ESRRG: variants seen among roughly 807,000 people sequenced by gnomAD.
ESRRG encodes the protein estrogen-related receptor gamma.
Under a neutral mutation model 44.0 loss-of-function variants are expected in ESRRG, and 13 were observed. The observed-to-expected ratio is 0.30, with a 90% CI of 0.19 to 0.47. ESRRG has a LOEUF of 0.47. Among genes scored for constraint, ESRRG ranks in the 20% least tolerant of loss-of-function variants. The probability of loss-of-function intolerance (pLI) is 1.00; values close to 1 mark genes in which losing one functional copy is unlikely to be tolerated. For synonymous variants in ESRRG, 215 were observed against 214.6 expected (o/e 1.00, Z -0.02); for missense variants, 395 against 580.6 (o/e 0.68, Z 3.29).
At chr1:216,557,796 A>G (rs1191059233) in intron 5 of ESRRG, among the ~76,000 whole-genome samples, 1 of 152,204 alleles carries the variant, frequency 6.6e-6, no homozygotes, top group Non-Finnish European at 1.5e-5. Context: ...TTCAGGGTAG[A>G]TGTCATGTCA....
chr1:216,603,477 A>C (rs2059510694), intron 3 of ESRRG, among the ~76,000 whole-genome samples: 1 of 152,248 alleles, frequency 6.6e-6, no homozygotes, highest in Non-Finnish European at 1.5e-5. Context: ...GACACTATTG[A>C]ATGCTAAAGA....
At chr1:217,099,471 T>C (rs1159128519) in intron 1 of ESRRG, among the ~76,000 whole-genome samples, 1 of 152,164 alleles carries the variant, frequency 6.6e-6, no homozygotes, top group African/African-American at 2.4e-5. Flanking sequence ...GCACATGTGC[T>C]AGATATTTCC....
intron 3 of ESRRG, among the ~76,000 whole-genome samples, chr1:216,572,948 C>T (rs1054470186): frequency 6.6e-6 from 1 of 151,816 alleles, no homozygotes; most frequent in Admixed American, 6.6e-5. Flanking sequence ...AAAATAAATA[C>T]AAATCGAACA....
At chr1:216,879,527 T>A (rs2818811) in intron 2 of ESRRG, among the ~76,000 whole-genome samples, 68,067 of 149,238 alleles carry the variant, frequency 0.46, 18,714 homozygotes, top group African/African-American at 0.78. Context: ...AAAAGGCAGT[T>A]TAAAAAAGAT....
intron 1 of ESRRG, among the ~76,000 whole-genome samples, chr1:216,679,371 C>T (rs990524703): frequency 2.0e-5 from 3 of 152,148 alleles, no homozygotes; most frequent in Non-Finnish European, 4.4e-5. Flanking sequence ...TGAAAGAAAG[C>T]GGGTCGGCAC....
intron 3 of ESRRG, among the ~76,000 whole-genome samples, chr1:216,632,485 T>C (rs2064404230): frequency 6.6e-6 from 1 of 152,206 alleles, no homozygotes; most frequent in Non-Finnish European, 1.5e-5. Context: ...AATTTCATGT[T>C]TTTGTATGTA....
intron 1 of ESRRG, among the ~76,000 whole-genome samples, chr1:217,123,739 A>T (rs2092853378): frequency 1.3e-5 from 2 of 152,038 alleles, no homozygotes; most frequent in Admixed American, 6.6e-5. Context: ...AAAAACACAC[A>T]CTGGAGCCTG....
chr1:216,824,440 C>A (rs532619018), intron 2 of ESRRG, among the ~76,000 whole-genome samples: 5 of 151,580 alleles, frequency 3.3e-5, no homozygotes, highest in African/African-American at 1.2e-4. Context: ...AGTGAGACTC[C>A]CTCTCAAAAA....
intron 2 of ESRRG, among the ~76,000 whole-genome samples, chr1:216,778,489 C>T (rs542743414): frequency 5.9e-4 from 90 of 151,908 alleles, no homozygotes; most frequent in Middle Eastern, 3.4e-3. Flanking sequence ...AGTGTTGTGT[C>T]GGGCCCTGAC....
intron 1 of ESRRG, among the ~76,000 whole-genome samples, chr1:217,051,204 C>CAGG (rs1215170555): frequency 3.0e-5 from 1 of 33,590 alleles, no homozygotes; most frequent in Non-Finnish European, 5.7e-5. Context: ...ATAATGGGGG[C>CAGG]GGGGGGGGGG....
upstream of ESRRG, among the ~76,000 whole-genome samples, chr1:217,092,986 G>GGAGT (rs35088570): frequency 0.16 from 24,122 of 152,000 alleles, 2,309 homozygotes; most frequent in African/African-American, 0.26. Flanking sequence ...CTTCATATGG[G>GGAGT]GAGTGAGGTG....
At chr1:216,656,434 C>T (rs192046060) in intron 2 of ESRRG, among the ~76,000 whole-genome samples, 2 of 152,280 alleles carry the variant, frequency 1.3e-5, no homozygotes, top group East Asian at 1.9e-4. Context: ...CAAAAAGTCC[C>T]GGGCTCTGAT....
chr1:216,657,671 C>T lies in ESRRG; in HGVS notation c.473-6582G>A, dbSNP rs145093019. On this transcript the variant is annotated intron_variant, in intron 2 of 6. Coordinates refer to ENST00000408911, the MANE Select transcript of ESRRG (RefSeq NM_001438.4). ...TCACTCTACTAATGGGACCCCAGAC[C>T]ACCTGCCAGGTGAGGTTGTGGCATA... Among the ~76,000 whole-genome samples the T allele has an allele frequency of 4.4e-3, 668 of 152,176 alleles. 10 individuals carry two copies. Among genetic ancestry groups the T allele is most frequent in the African/African-American group, 0.015 (643 of 41,536 alleles).
intron 1 of ESRRG, among the ~76,000 whole-genome samples, chr1:216,699,515 T>G (rs190279605): frequency 1.3e-5 from 2 of 152,308 alleles, no homozygotes; most frequent in East Asian, 3.9e-4. Context: ...AATTTTCTTT[T>G]CATAACTCTT....
intron 3 of ESRRG, among the ~76,000 whole-genome samples, chr1:216,585,287 A>T (rs1197168707): frequency 1.3e-5 from 2 of 152,232 alleles, no homozygotes; most frequent in African/African-American, 2.4e-5. Flanking sequence ...ACTCACATTT[A>T]GTAAACTGCC....
intron 1 of ESRRG, among the ~76,000 whole-genome samples, chr1:217,100,800 C>T (rs1024567633): frequency 1.3e-5 from 2 of 152,122 alleles, no homozygotes; most frequent in African/African-American, 4.8e-5. Flanking sequence ...AGAGTGAGAA[C>T]TTACTTATTA....
chr1:217,007,845 G>A (rs903860571), intron 1 of ESRRG, among the ~76,000 whole-genome samples: 8 of 151,064 alleles, frequency 5.3e-5, no homozygotes, highest in Non-Finnish European at 1.0e-4. Context: ...AAATAAGGGG[G>A]GAAAAATCCC....
intron 1 of ESRRG, among the ~76,000 whole-genome samples, chr1:217,026,406 G>A (rs1209787616): frequency 6.6e-6 from 1 of 152,200 alleles, no homozygotes; most frequent in Non-Finnish European, 1.5e-5. Context: ...GAGTTTTGAA[G>A]ACACCACTCA....
At chr1:217,025,295 C>T (rs1031627019) in intron 1 of ESRRG, among the ~76,000 whole-genome samples, 19 of 151,728 alleles carry the variant, frequency 1.3e-4, no homozygotes, top group African/African-American at 3.6e-4. Context: ...TAAAAATAAA[C>T]GCTTAGTAGG....
Sources: allele counts gnomAD v4.1 joint callset (sites outside exome capture counted in the v4.1 genomes callset), GRCh38; gene constraint gnomAD v4.1.1; transcripts MANE v1.5; gene names NCBI Gene and HGNC (gene_info 2026-07-23, HGNC 2026-07-21).